The following C8orf34 variants were observed in gnomAD, a reference collection of about 807,000 sequenced individuals.
C8orf34 encodes the protein uncharacterized protein C8orf34.
In C8orf34, 65 loss-of-function variants were observed where a neutral mutation model predicts 68.3. The ratio of observed to expected loss-of-function variants is 0.95; its 90% CI spans 0.78 to 1.17. The LOEUF is 1.17. Among genes scored for constraint, C8orf34 ranks in the 50% most tolerant of loss-of-function variants. The probability of loss-of-function intolerance (pLI) is 0.00; values close to 1 mark genes in which losing one functional copy is unlikely to be tolerated. For synonymous variants in C8orf34, 244 were observed against 241.2 expected (o/e 1.01, Z -0.11); for missense variants, 664 against 655.4 (o/e 1.01, Z -0.14).
At chr8:68,664,512 T>TG (rs1394918769) in intron 8 of C8orf34, among the ~76,000 whole-genome samples, 1 of 152,182 alleles carries the variant, frequency 6.6e-6, no homozygotes, top group Non-Finnish European at 1.5e-5. Flanking sequence ...TTCAATAAAT[T>TG]GGGTGAGCTA....
At chr8:68,495,156 A>C (rs2129632147) in intron 5 of C8orf34, among the ~76,000 whole-genome samples, 1 of 151,764 alleles carries the variant, frequency 6.6e-6, no homozygotes, top group African/African-American at 2.4e-5. Flanking sequence ...AGCAATAGGC[A>C]GTCTGTATAT....
chr8:68,501,355 T>G (rs1234012310), intron 5 of C8orf34, among the ~76,000 whole-genome samples: 3 of 152,188 alleles, frequency 2.0e-5, no homozygotes, highest in Non-Finnish European at 4.4e-5. Flanking sequence ...AACTCTGCAC[T>G]GTGTGTCCTG....
At chr8:68,624,375 T>C (rs1818475469) in intron 7 of C8orf34, among the ~76,000 whole-genome samples, 1 of 152,122 alleles carries the variant, frequency 6.6e-6, no homozygotes, top group Non-Finnish European at 1.5e-5. Context: ...AATAATATTA[T>C]GTTAACTAAC....
At chr8:68,465,108 A>G (rs1418816170) in intron 3 of C8orf34, among the ~76,000 whole-genome samples, 1 of 152,162 alleles carries the variant, frequency 6.6e-6, no homozygotes, top group Non-Finnish European at 1.5e-5. Context: ...TTACAAGAAA[A>G]AAACAAACAA....
At chr8:68,634,616 A>G (rs1164338137) in intron 7 of C8orf34, among the ~76,000 whole-genome samples, 1 of 152,160 alleles carries the variant, frequency 6.6e-6, no homozygotes, top group African/African-American at 2.4e-5. Flanking sequence ...AGGAAATGGA[A>G]CTAGTGAGAC....
At chr8:68,400,862 T>C (rs1474395745) in intron 1 of C8orf34, among the ~76,000 whole-genome samples, 1 of 152,228 alleles carries the variant, frequency 6.6e-6, no homozygotes, top group East Asian at 1.9e-4. Context: ...GCCTCCTTTT[T>C]GATTCTATGT....
At chr8:68,551,949 G>A (rs1816086485) in intron 7 of C8orf34, among the ~76,000 whole-genome samples, 1 of 152,078 alleles carries the variant, frequency 6.6e-6, no homozygotes, top group South Asian at 2.1e-4. Context: ...TGGATATTCA[G>A]GAGTCCCACA....
intron 8 of C8orf34, among the ~76,000 whole-genome samples, chr8:68,693,532 A>G (rs1820741689): frequency 6.6e-6 from 1 of 152,172 alleles, no homozygotes; most frequent in Non-Finnish European, 1.5e-5. Flanking sequence ...CAGGTGGAAT[A>G]AAAGCAAAAG....
chr8:68,684,814 C>G (rs921623696), intron 8 of C8orf34, among the ~76,000 whole-genome samples: 6 of 151,630 alleles, frequency 4.0e-5, no homozygotes, highest in African/African-American at 1.5e-4. Flanking sequence ...TTAAAATTTC[C>G]CTTTTTGGTT....
intron 7 of C8orf34, among the ~76,000 whole-genome samples, chr8:68,575,567 A>G (rs1816877926): frequency 2.0e-5 from 3 of 152,106 alleles, no homozygotes. Context: ...AAAATAATTG[A>G]AGTAAAAATA....
Position 68,550,968 on chromosome 8 carries a change from C to T in C8orf34, c.1105+17819C>T, listed in dbSNP as rs28773250. 9.6e-3 allele frequency among the ~76,000 whole-genome samples: 1,448 copies of T among 151,506 alleles called. 26 individuals carry two copies. Among genetic ancestry groups the T allele is most frequent in the African/African-American group, 0.032 (1,326 of 41,354 alleles). On this transcript the variant is annotated intron_variant, in intron 7 of 13. Transcript: ENST00000518698. Reference sequence around the variant, plus strand: ...TTCATCTTCAATTTTCTTCAGTTTGCACATAGTATGCCTAGGTATAGTTCT... The same window carrying T: ...TTCATCTTCAATTTTCTTCAGTTTGTACATAGTATGCCTAGGTATAGTTCT...
intron 5 of C8orf34, among the ~76,000 whole-genome samples, chr8:68,518,834 C>T (rs1814625595): frequency 7.2e-6 from 1 of 139,204 alleles, no homozygotes; most frequent in Middle Eastern, 4.0e-3. Flanking sequence ...GTGGAGGTTG[C>T]AGTGAGCCAA....
intron 7 of C8orf34, among the ~76,000 whole-genome samples, chr8:68,607,778 T>C (rs1817898159): frequency 6.6e-6 from 1 of 152,148 alleles, no homozygotes; most frequent in African/African-American, 2.4e-5. Context: ...TCTTACCCGC[T>C]GCTTTTGTCA....
intron 10 of C8orf34, among the ~76,000 whole-genome samples, chr8:68,722,949 A>G (rs1193753338): frequency 6.6e-6 from 1 of 152,184 alleles, no homozygotes; most frequent in African/African-American, 2.4e-5. Flanking sequence ...TTACCTTGGC[A>G]TTTTCAACAG....
intron 3 of C8orf34, among the ~76,000 whole-genome samples, chr8:68,449,033 T>C (rs571844597): frequency 4.4e-4 from 67 of 152,176 alleles, no homozygotes; most frequent in African/African-American, 1.6e-3. Context: ...TAAAGGAAGA[T>C]ATAAACAGAA....
At chr8:68,606,634 T>G (rs1817862351) in intron 7 of C8orf34, among the ~76,000 whole-genome samples, 1 of 152,044 alleles carries the variant, frequency 6.6e-6, no homozygotes, top group African/African-American at 2.4e-5. Context: ...TGTAGCTAAA[T>G]CAACACAGGC....
At chr8:68,682,220 T>G (rs1820391119) in intron 8 of C8orf34, among the ~76,000 whole-genome samples, 1 of 152,124 alleles carries the variant, frequency 6.6e-6, no homozygotes, top group African/African-American at 2.4e-5. Flanking sequence ...AATTGGATAT[T>G]TTGGTAACAC....
chr8:68,487,894 G>A (rs1366538549), intron 4 of C8orf34, 129 bp from the exon 5 acceptor site: 8 of 585,450 alleles, frequency 1.4e-5, no homozygotes, highest in Non-Finnish European at 2.4e-5. Flanking sequence ...TTATTTTGAA[G>A]CACTAATAAA....
chr8:68,730,074 A>C (rs1821938021), intron 10 of C8orf34, among the ~76,000 whole-genome samples: 1 of 152,168 alleles, frequency 6.6e-6, no homozygotes, highest in Non-Finnish European at 1.5e-5. Context: ...GTCCATCTAT[A>C]ATGGAAAACT....
Sources: allele counts gnomAD v4.1 joint callset (sites outside exome capture counted in the v4.1 genomes callset), GRCh38; gene constraint gnomAD v4.1.1; transcripts MANE v1.5; gene names NCBI Gene and HGNC (gene_info 2026-07-23, HGNC 2026-07-21).